Variants in CSMD1 observed in about 807,000 individuals in gnomAD.
CSMD1 encodes the protein CUB and sushi domain-containing protein 1.
CSMD1 carries 213 observed loss-of-function variants against 417.5 expected under a neutral mutation model. That is an observed-to-expected ratio of 0.51 (90% confidence interval 0.46 to 0.57). CSMD1 has a LOEUF of 0.57. CSMD1 is among the 20% of genes least tolerant of loss of function. The pLI, the probability that CSMD1 is intolerant of heterozygous loss-of-function variation, is 0.00. For missense variants in CSMD1, 6,923 were observed against 4,529.7 expected (o/e 1.53, Z -15.17); for synonymous variants, 2,862 against 1,736.8 (o/e 1.65, Z -16.11).
At chr8:2,954,102 C>T (rs1341035483) in intron 65 of CSMD1, 122 bp downstream of exon 65, 2 of 466,034 alleles carry the variant, frequency 4.3e-6, no homozygotes, top group Non-Finnish European at 7.6e-6. Context: ...ATAATTGAAA[C>T]ATTAACTTGG....
At chr8:4,064,867 G>C (rs1429947398) in intron 3 of CSMD1, among the ~76,000 whole-genome samples, 1 of 151,994 alleles carries the variant, frequency 6.6e-6, no homozygotes, top group Non-Finnish European at 1.5e-5. Flanking sequence ...TGTTTGTAAT[G>C]TGTGTATCTA....
chr8:3,822,774 G>C (rs896403457), intron 5 of CSMD1, among the ~76,000 whole-genome samples: 1 of 152,176 alleles, frequency 6.6e-6, no homozygotes, highest in African/African-American at 2.4e-5. Context: ...TGAGAATAAA[G>C]AGAGGATGGA....
intron 3 of CSMD1, among the ~76,000 whole-genome samples, chr8:4,416,265 C>G (rs923800705): frequency 2.0e-5 from 3 of 152,052 alleles, no homozygotes; most frequent in African/African-American, 7.2e-5. Flanking sequence ...TTTCCGAAAG[C>G]TACTGGATCA....
chr8:3,312,593 C>T (rs570356201), intron 23 of CSMD1, among the ~76,000 whole-genome samples: 3 of 152,278 alleles, frequency 2.0e-5, no homozygotes, highest in East Asian at 3.9e-4. Context: ...CTGGGAGAAT[C>T]ATAGGCCTTT....
chr8:4,633,270 G>T (rs1490222247), intron 2 of CSMD1, among the ~76,000 whole-genome samples: 7 of 151,710 alleles, frequency 4.6e-5, no homozygotes, highest in Non-Finnish European at 1.0e-4. Context: ...TTTTTTTGAT[G>T]GAGTTTCAGT....
chr8:4,379,192 C>T lies in CSMD1; in HGVS notation c.415+40761G>A, dbSNP rs144040637. Among the ~76,000 whole-genome samples the T allele has an allele frequency of 6.0e-3, 907 of 152,220 alleles. 8 individuals carry two copies. Among genetic ancestry groups the T allele is most frequent in the South Asian group, 0.037 (177 of 4,818 alleles). ...GGCTGATTTATTCTGTAGTATTCTGCCCCCAAGTTCATAAATTCAACCAAA... is the reference window on the plus strand; with the variant it reads ...GGCTGATTTATTCTGTAGTATTCTGTCCCCAAGTTCATAAATTCAACCAAA... On this transcript the variant is annotated intron_variant, in intron 3 of 69. Transcript: ENST00000635120.
intron 6 of CSMD1, among the ~76,000 whole-genome samples, chr8:3,753,119 G>T (rs1253926869): frequency 6.6e-6 from 1 of 152,174 alleles, no homozygotes; most frequent in African/African-American, 2.4e-5. Context: ...CTGGCACATG[G>T]CAGGTGTTCA....
At chr8:4,673,566 T>G (rs915388432) in intron 1 of CSMD1, among the ~76,000 whole-genome samples, 1 of 152,140 alleles carries the variant, frequency 6.6e-6, no homozygotes, top group African/African-American at 2.4e-5. Context: ...AGCACCTACT[T>G]TCTACCTTGT....
At chr8:3,476,727 G>A (rs182741559) in intron 11 of CSMD1, among the ~76,000 whole-genome samples, 14 of 152,036 alleles carry the variant, frequency 9.2e-5, no homozygotes, top group Admixed American at 4.6e-4. Flanking sequence ...AGACCAGCCT[G>A]GCCAACATGA....
Position 3,678,006 on chromosome 8 carries a change from T to A in CSMD1, c.1009+30408A>T, listed in dbSNP as rs1276576901. On this transcript the variant is annotated intron_variant, in intron 7 of 69. Transcript: ENST00000635120. ...ACTCACAGCCTCCATCTGGGGTGTC[T>A]GCCTATCTTCAAAGCGTTCTGTCAA... Among the ~76,000 whole-genome samples the A allele has an allele frequency of 2.0e-5, 3 of 152,272 alleles. No homozygotes were observed. The South Asian group carries it at 6.2e-4, about 32-fold the overall frequency.
At chr8:3,976,069 A>T (rs956279356) in intron 5 of CSMD1, among the ~76,000 whole-genome samples, 3 of 151,972 alleles carry the variant, frequency 2.0e-5, no homozygotes, top group African/African-American at 7.2e-5. Flanking sequence ...GATATGTTAA[A>T]TTTTTTTGGG....
chr8:4,766,333 G>A (rs191729061), intron 1 of CSMD1, among the ~76,000 whole-genome samples: 46 of 152,254 alleles, frequency 3.0e-4, no homozygotes, highest in African/African-American at 1.1e-3. Flanking sequence ...ATGATGTGGG[G>A]GCCTGGTGTA....
chr8:3,112,988 T>C (rs1016281661), intron 42 of CSMD1: 1 of 152,234 alleles, frequency 6.6e-6, no homozygotes, highest in Non-Finnish European at 1.5e-5. Flanking sequence ...CTCGCTGCAG[T>C]GGCATCAAAG....
chr8:4,162,226 C>A (rs568844110), intron 3 of CSMD1, among the ~76,000 whole-genome samples: 2 of 152,260 alleles, frequency 1.3e-5, no homozygotes, highest in South Asian at 4.1e-4. Flanking sequence ...TGTTATGTTA[C>A]CAGTATTCAT....
chr8:4,114,901 A>G (rs912104109), intron 3 of CSMD1, among the ~76,000 whole-genome samples: 8 of 152,346 alleles, frequency 5.3e-5, no homozygotes, highest in African/African-American at 1.9e-4. Flanking sequence ...CTTCTTCCAG[A>G]TAAGATAGGA....
chr8:4,113,074 G>T (rs902494158), intron 3 of CSMD1, among the ~76,000 whole-genome samples: 1 of 152,170 alleles, frequency 6.6e-6, no homozygotes, highest in African/African-American at 2.4e-5. Flanking sequence ...ACACCCCCAT[G>T]TAAGACAGTG....
intron 2 of CSMD1, among the ~76,000 whole-genome samples, chr8:4,536,711 T>G (rs1050301306): frequency 6.6e-6 from 1 of 152,242 alleles, no homozygotes; most frequent in Admixed American, 6.5e-5. Flanking sequence ...TAAAAAGTTT[T>G]GAGTATATGC....
chr8:4,388,792 C>G (rs994474836), intron 3 of CSMD1, among the ~76,000 whole-genome samples: 1 of 152,170 alleles, frequency 6.6e-6, no homozygotes, highest in African/African-American at 2.4e-5. Context: ...GTCCTTGATC[C>G]TCCCAGTACC....
chr8:3,704,693 C>G (rs1358867063), intron 7 of CSMD1: 3 of 152,258 alleles, frequency 2.0e-5, no homozygotes, highest in African/African-American at 7.2e-5. Context: ...TTTTCTTGGT[C>G]ATGAGACAAT....
Sources: gnomAD v4.1 joint callset for allele counts (sites outside exome capture counted in the v4.1 genomes callset) on GRCh38, gnomAD v4.1.1 for gene constraint, MANE v1.5 for transcripts, NCBI Gene and HGNC (gene_info 2026-07-23, HGNC 2026-07-21) for gene names.